NPR3: variants seen among roughly 807,000 people sequenced by gnomAD.
The protein encoded by NPR3 is natriuretic peptide receptor 3.
Under a neutral mutation model 54.5 loss-of-function variants are expected in NPR3, and 34 were observed. The observed-to-expected ratio is 0.62, with a 90% CI of 0.47 to 0.83. The LOEUF (loss-of-function observed/expected upper bound fraction) is 0.83, where lower values mean the gene tolerates loss of function less well. Ranked by LOEUF, NPR3 falls within the 40% of genes least tolerant of loss-of-function variation. The probability of loss-of-function intolerance (pLI) is 0.00; values close to 1 mark genes in which losing one functional copy is unlikely to be tolerated. For synonymous variants in NPR3, 289 were observed against 297.1 expected (o/e 0.97, Z 0.28); for missense variants, 674 against 720.8 (o/e 0.94, Z 0.74).
At chr5:32,729,041 T>TTTTTTTG (rs1739318225) in intron 2 of NPR3, among the ~76,000 whole-genome samples, 5 of 133,922 alleles carry the variant, frequency 3.7e-5, no homozygotes, top group Non-Finnish European at 8.1e-5. Context: ...TTTTGTTTTT[T>TTTTTTTG]TTTTTTGAGA....
chr5:32,710,888 GTGTA>G, upstream of NPR3: 2 of 951,390 alleles, frequency 2.1e-6, no homozygotes, highest in Non-Finnish European at 2.8e-6. Flanking sequence ...CGGTGTGTGT[GTGTA>G]TATGTGTGTG....
chr5:32,714,902 C>T (rs1000897266), intron 1 of NPR3, among the ~76,000 whole-genome samples: 1 of 152,206 alleles, frequency 6.6e-6, no homozygotes, highest in Admixed American at 6.5e-5. Flanking sequence ...GCTATGAAAC[C>T]TCTGTACCTC....
intron 1 of NPR3, among the ~76,000 whole-genome samples, chr5:32,703,833 G>A (rs1050166336): frequency 2.6e-5 from 4 of 152,212 alleles, no homozygotes; most frequent in African/African-American, 9.6e-5. Context: ...AGAGGGTGGG[G>A]TGCAAGCACT....
At chr5:32,722,277 A>T (rs1561084362) in intron 1 of NPR3, among the ~76,000 whole-genome samples, 1 of 152,208 alleles carries the variant, frequency 6.6e-6, no homozygotes, top group Non-Finnish European at 1.5e-5. Flanking sequence ...GCCTAGGGTC[A>T]TCAAGTTCTG....
intron 3 of NPR3, among the ~76,000 whole-genome samples, chr5:32,739,263 C>A (rs1055209427): frequency 1.3e-5 from 2 of 151,602 alleles, no homozygotes; most frequent in African/African-American, 4.9e-5. Flanking sequence ...TTCACTTACA[C>A]TTTTTCAGCT....
intron 3 of NPR3, among the ~76,000 whole-genome samples, chr5:32,745,069 C>G (rs912193640): frequency 9.9e-5 from 15 of 152,160 alleles, no homozygotes; most frequent in African/African-American, 3.6e-4. Context: ...GGTGGGGTGG[C>G]CTTTCCAAAT....
chr5:32,729,240 C>A (rs201684297), intron 2 of NPR3, among the ~76,000 whole-genome samples: 2 of 151,424 alleles, frequency 1.3e-5, no homozygotes, highest in African/African-American at 4.9e-5. Flanking sequence ...CGTTTTAGCC[C>A]GGATGGTCTC....
rs144590528 is a variant in NPR3 at position 32,698,621 on chromosome 5, G to T, written c.100+9435G>T. Reference sequence around the variant, plus strand: ...GTATTGGGATCTATCTCTCTCTTTAGCTCTAATAATCTTTGCTTTATACAT... The same window carrying T: ...GTATTGGGATCTATCTCTCTCTTTATCTCTAATAATCTTTGCTTTATACAT... On this transcript the variant is annotated intron_variant, in intron 1 of 5. Coordinates refer to the NPR3 transcript ENST00000509104. Among the ~76,000 whole-genome samples, 168 of 152,210 alleles carry T rather than the reference G, an allele frequency of 1.1e-3. 3 individuals are homozygous for T. Among genetic ancestry groups the T allele is most frequent in the African/African-American group, 4.0e-3 (165 of 41,536 alleles).
chr5:32,731,728 A>G (rs1292536046), intron 2 of NPR3, among the ~76,000 whole-genome samples: 2 of 152,230 alleles, frequency 1.3e-5, no homozygotes, highest in Non-Finnish European at 2.9e-5. Flanking sequence ...AGCCAATGTT[A>G]ATATAATATA....
intron 3 of NPR3, among the ~76,000 whole-genome samples, chr5:32,746,281 G>T (rs1740294692): frequency 6.6e-6 from 1 of 152,152 alleles, no homozygotes; most frequent in Non-Finnish European, 1.5e-5. Context: ...TTATAATTAT[G>T]TACAAAATGT....
intron 2 of NPR3, among the ~76,000 whole-genome samples, chr5:32,728,829 GTGTGTGTGTATATATATATA>G (rs1256694369): frequency 5.4e-4 from 41 of 76,196 alleles, no homozygotes; most frequent in African/African-American, 1.5e-3. Flanking sequence ...GTGTGTGTGT[GTGTGTGTGTATATATATATA>G]TATATATATA....
chr5:32,784,924 T>G, intron 7 of NPR3, 41 bp downstream of exon 7: 1 of 1,400,928 alleles, frequency 7.1e-7, no homozygotes, highest in Non-Finnish European at 1.0e-6. Context: ...TCTCTTCTGC[T>G]GTCTTTGTCA....
chr5:32,758,252 G>A (rs1740956195), intron 3 of NPR3, among the ~76,000 whole-genome samples: 1 of 152,058 alleles, frequency 6.6e-6, no homozygotes, highest in East Asian at 1.9e-4. Flanking sequence ...TTGGTTGGTA[G>A]CCTATTAATT....
Position 32,725,678 on chromosome 5 carries a change from A to G in NPR3, c.892+858A>G, listed in dbSNP as rs116812638. On this transcript the variant is annotated intron_variant, in intron 2 of 7. Transcript: ENST00000265074. ...TGAATAGGTGAAGTGTGTCACACTT[A>G]GCATGTGTATTGTTTTAGAAAGCTT... is the stretch of plus-strand genomic sequence containing the variant. 9.5e-3 allele frequency among the ~76,000 whole-genome samples: 1,455 copies of G among 152,358 alleles called. 30 individuals are homozygous for G. Among genetic ancestry groups the G allele is most frequent in the African/African-American group, 0.033 (1,390 of 41,594 alleles).
intron 1 of NPR3, among the ~76,000 whole-genome samples, chr5:32,722,188 C>A (rs1219443415): frequency 6.6e-6 from 1 of 152,136 alleles, no homozygotes; most frequent in Non-Finnish European, 1.5e-5. Context: ...AAACTTCAGG[C>A]AAAGTTTAGG....
At chr5:32,756,984 C>G (rs1419597006) in intron 3 of NPR3, among the ~76,000 whole-genome samples, 1 of 152,210 alleles carries the variant, frequency 6.6e-6, no homozygotes, top group African/African-American at 2.4e-5. Context: ...GGTAGCAGTA[C>G]CATGCTGTTT....
intron 1 of NPR3, chr5:32,713,393 G>A: frequency 1.0e-6 from 1 of 985,450 alleles, no homozygotes; most frequent in Non-Finnish European, 1.2e-6. Context: ...TTCGGGGAGC[G>A]GGGGGACGCG....
chr5:32,722,899 C>T (rs1738937949), intron 1 of NPR3, among the ~76,000 whole-genome samples: 1 of 152,212 alleles, frequency 6.6e-6, no homozygotes, highest in South Asian at 2.1e-4. Context: ...GCAACACCTA[C>T]TCCCATACTT....
chr5:32,714,185 C>T (rs1176187910), intron 1 of NPR3, among the ~76,000 whole-genome samples: 1 of 152,172 alleles, frequency 6.6e-6, no homozygotes, highest in Non-Finnish European at 1.5e-5. Context: ...GGGGGTGTGT[C>T]CCCCTATGGG....
Sources: allele counts gnomAD v4.1 joint callset (sites outside exome capture counted in the v4.1 genomes callset), GRCh38; gene constraint gnomAD v4.1.1; transcripts MANE v1.5; gene names NCBI Gene and HGNC (gene_info 2026-07-23, HGNC 2026-07-21).